ATAD2: variants seen among roughly 807,000 people sequenced by gnomAD.
ATAD2 encodes ATPase family AAA domain containing 2.
A neutral mutation model predicts 168.9 loss-of-function variants in ATAD2; 62 were observed. The ratio of observed to expected loss-of-function variants is 0.37; its 90% CI spans 0.30 to 0.45. ATAD2 has a LOEUF of 0.45. ATAD2 is among the 20% of genes least tolerant of loss of function. The probability of loss-of-function intolerance (pLI) is 1.00; values close to 1 mark genes in which losing one functional copy is unlikely to be tolerated. For synonymous variants in ATAD2, 613 were observed against 571.6 expected (o/e 1.07, Z -1.03); for missense variants, 1,419 against 1,667.8 (o/e 0.85, Z 2.60).
intron 13 of ATAD2, among the ~76,000 whole-genome samples, chr8:123,354,007 G>T (rs1828554226): frequency 6.6e-6 from 1 of 152,126 alleles, no homozygotes; most frequent in Non-Finnish European, 1.5e-5. Flanking sequence ...GCTGGTACAT[G>T]CCTGTAATCC....
chr8:123,404,116 T>C (rs1234891924), intron 1 of ATAD2, among the ~76,000 whole-genome samples: 1 of 152,200 alleles, frequency 6.6e-6, no homozygotes, highest in African/African-American at 2.4e-5. Flanking sequence ...TATATTCATA[T>C]GGTTAAATTT....
At chr8:123,400,547 T>G, upstream of ATAD2, 2 of 447,814 alleles carry the variant, frequency 4.5e-6, no homozygotes, top group Admixed American at 2.9e-5. This position sits in a 1 kb window ranked among gnomAD's most constrained non-coding sequence, Gnocchi z 4.5. Flanking sequence ...GAGCGGGTGT[T>G]TATGTTGGGT....
chr8:123,335,517 T>C (rs955430227), intron 22 of ATAD2, among the ~76,000 whole-genome samples: 3 of 152,176 alleles, frequency 2.0e-5, no homozygotes, highest in African/African-American at 7.2e-5. Flanking sequence ...AGAAAACAAC[T>C]ATTTTTAAAA....
rs144011403 is a variant in ATAD2, at chr8:123,336,370, C to A, written c.3211+3G>T. On this transcript the variant is annotated splice_donor_region_variant and intron_variant, in intron 22 of 27. Coordinates refer to ENST00000287394, the MANE Select transcript of ATAD2 (RefSeq NM_014109.4). ...CCCTGAAAAAAAATTCACTAATGCT[C>A]ACCTCCAGGATCTCTATCTGGATTG... 1.3e-6 allele frequency: 2 copies of A among 1,572,264 alleles called. No individual in the cohort carries two copies. The highest frequency in any genetic ancestry group is 8.6e-7 in the Non-Finnish European group (1 of 1,167,698).
Position 123,349,395 on chromosome 8 carries a change from C to A in ATAD2, c.1696G>T (p.Gly566Trp). The A allele has an allele frequency of 6.2e-7, 1 of 1,614,088 alleles. No homozygotes were observed. The highest frequency in any genetic ancestry group is 8.5e-7 in the Non-Finnish European group (1 of 1,180,002). The part of the protein sequence containing the change: ...LALMDGLDSR[G>W]EIVVIGATNR... ...GTAGCACCAATGACCACAATTTCCC[C>A]TCTGCTGTCCAATCCATCCATAAGA... Residue 566 changes from glycine (G) to tryptophan (W), a missense_variant, in exon 14 of 28, where the codon GGG becomes TGG. By Grantham distance (184) the Gly-to-Trp change is radical. Coordinates refer to ENST00000287394, the MANE Select transcript of ATAD2 (RefSeq NM_014109.4).
chr8:123,371,152 G>A, intron 5 of ATAD2, 84 bp downstream of exon 5: 2 of 1,184,168 alleles, frequency 1.7e-6, no homozygotes, highest in Non-Finnish European at 2.4e-6. Context: ...GGAAAAAGTA[G>A]ATATTTAATG....
Position 123,404,108 on chromosome 8 carries a change from T to C in ATAD2, c.-2281-2933A>G, listed in dbSNP as rs183120966. On this transcript the variant is annotated intron_variant, in intron 1 of 28. Coordinates refer to the ATAD2 transcript ENST00000521903. ...TGTATTTATTTTTCAAGATGTAGTA[T>C]ATTCATATGGTTAAATTTTAAGTTA... is the stretch of plus-strand genomic sequence containing the variant. Among the ~76,000 whole-genome samples, 7 of 152,324 alleles carry C rather than the reference T, an allele frequency of 4.6e-5. No individual in the cohort carries two copies. The East Asian group carries it at 9.6e-4, about 21-fold the overall frequency.
At chr8:123,390,806 TG>T (rs1417594830) in intron 1 of ATAD2, among the ~76,000 whole-genome samples, 1 of 152,092 alleles carries the variant, frequency 6.6e-6, no homozygotes, top group Admixed American at 6.6e-5. Context: ...CCAAGGCAGG[TG>T]GATCACCTGA....
intron 1 of ATAD2, among the ~76,000 whole-genome samples, chr8:123,412,494 G>A (rs542881530): frequency 6.6e-5 from 10 of 152,134 alleles, no homozygotes; most frequent in African/African-American, 1.9e-4. Context: ...GTGCAGTGGC[G>A]TAATCACAGT....
At chr8:123,384,655 T>C (rs1829594327) in intron 1 of ATAD2, among the ~76,000 whole-genome samples, 1 of 152,232 alleles carries the variant, frequency 6.6e-6, no homozygotes, top group Non-Finnish European at 1.5e-5. Flanking sequence ...GAACACTGTC[T>C]TTAGCAATAA....
intron 14 of ATAD2, among the ~76,000 whole-genome samples, chr8:123,348,506 C>G (rs756939937): frequency 6.6e-6 from 1 of 152,012 alleles, no homozygotes; most frequent in Non-Finnish European, 1.5e-5. Context: ...GTGAAAACCA[C>G]TCTCTACTAA....
chr8:123,322,919 T>A lies in ATAD2; in HGVS notation c.4131+19A>T. The A allele has an allele frequency of 6.2e-7, 1 of 1,607,802 alleles. No homozygotes were observed. Among genetic ancestry groups the A allele is most frequent in the Non-Finnish European group, 8.5e-7 (1 of 1,177,176 alleles). Reference sequence around the variant, plus strand: ...TGACCACAAGAGCATTTGTAAAAAGTTTCCACTCAAGAGTTTACCTGAATA... The same window carrying A: ...TGACCACAAGAGCATTTGTAAAAAGATTCCACTCAAGAGTTTACCTGAATA... On this transcript the variant is annotated intron_variant, in intron 27 of 27. Coordinates refer to ENST00000287394, the MANE Select transcript of ATAD2 (RefSeq NM_014109.4).
At chr8:123,410,867 G>A (rs1363196247) in intron 1 of ATAD2, among the ~76,000 whole-genome samples, 1 of 152,246 alleles carries the variant, frequency 6.6e-6, no homozygotes, top group African/African-American at 2.4e-5. Flanking sequence ...GGCGCCCATT[G>A]CCGCTCTGGA....
At chr8:123,347,950 T>C in intron 15 of ATAD2, 1 of 549,656 alleles carries the variant, frequency 1.8e-6, no homozygotes, top group Non-Finnish European at 3.2e-6. Flanking sequence ...GGCCAATTTG[T>C]CAAATATCTC....
chr8:123,357,542 A>ATAAAATGTTAATATCATACC lies in ATAD2; in HGVS notation c.1557_1557+19dup. On this transcript the variant is annotated intron_variant, in intron 12 of 27. Transcript: ENST00000287394. The stretch of plus-strand genomic sequence containing the variant: ...CTAGATTACAGAACTATCCAGATAT[A>ATAAAATGTTAATATCATACC]TAAAATGTTAATATCATACCTGATC... 6.3e-7 allele frequency: 1 copy of ATAAAATGTTAATATCATACC among 1,597,654 alleles called. No homozygotes were observed. Among genetic ancestry groups the ATAAAATGTTAATATCATACC allele is most frequent in the Non-Finnish European group, 8.5e-7 (1 of 1,172,860 alleles).
intron 19 of ATAD2, among the ~76,000 whole-genome samples, chr8:123,342,030 G>A (rs1376598833): frequency 6.6e-6 from 1 of 152,182 alleles, no homozygotes; most frequent in Non-Finnish European, 1.5e-5. Context: ...AGGCTGCAGT[G>A]AGCCAAGATC....
intron 13 of ATAD2, among the ~76,000 whole-genome samples, chr8:123,354,527 G>A (rs1484788747): frequency 6.6e-6 from 1 of 151,806 alleles, no homozygotes; most frequent in Non-Finnish European, 1.5e-5. Context: ...CCAACATGGC[G>A]AAACCCAGTG....
chr8:123,371,255 A>G lies in ATAD2; in HGVS notation c.620T>C (p.Val207Ala). The G allele has an allele frequency of 6.2e-7, 1 of 1,604,260 alleles. No homozygotes were observed. The highest frequency in any genetic ancestry group is 1.1e-5 in the South Asian group (1 of 88,052). Residue 207 changes from valine to alanine, a missense_variant, in exon 5 of 28, where the codon GTG becomes GCG. Physicochemically the swap from Val to Ala is moderately conservative, Grantham distance 64. Transcript: ENST00000287394. ...QRMRELEDLG[V>A]FNETEESNLN... is the part of the protein sequence containing the mutation. ...ATTTACTTCTTCTGTTTCATTAAAC[A>G]CTCCCAAGTCTTCAAGTTCTCTCAT...
intron 1 of ATAD2, among the ~76,000 whole-genome samples, chr8:123,390,842 C>CT (rs1274393860): frequency 2.6e-5 from 4 of 152,062 alleles, no homozygotes; most frequent in South Asian, 2.1e-4. Context: ...TACCCCGTCT[C>CT]TACTAAAAAT....
Sources: gnomAD v4.1 joint callset for allele counts (sites outside exome capture counted in the v4.1 genomes callset) on GRCh38, gnomAD v4.1.1 for gene constraint, Gnocchi (gnomAD v3.1) non-coding constraint, MANE v1.5 for transcripts, NCBI Gene and HGNC (gene_info 2026-07-23, HGNC 2026-07-21) for gene names.